The following OTUD7A variants were observed in gnomAD, a reference collection of about 807,000 sequenced individuals.
OTUD7A encodes the protein OTU domain-containing protein 7A.
A neutral mutation model predicts 65.7 loss-of-function variants in OTUD7A; 12 were observed. That is an observed-to-expected ratio of 0.18 (90% CI 0.12 to 0.30). The LOEUF (loss-of-function observed/expected upper bound fraction) is 0.30. OTUD7A is among the 10% of genes least tolerant of loss of function. The probability of loss-of-function intolerance (pLI) is 1.00; values close to 1 mark genes in which losing one functional copy is unlikely to be tolerated. For synonymous variants in OTUD7A, 641 were observed against 586.3 expected (o/e 1.09, Z -1.35); for missense variants, 1,148 against 1,304.8 (o/e 0.88, Z 1.85).
At chr15:31,657,425 C>G (rs1473477515) in intron 1 of OTUD7A, among the ~76,000 whole-genome samples, 3 of 151,678 alleles carry the variant, frequency 2.0e-5, no homozygotes, top group African/African-American at 7.3e-5. Context: ...GGCGCGATCT[C>G]GGCTCACTGG....
chr15:31,808,136 C>CACACACACACACACA (rs772574742), intron 1 of OTUD7A, among the ~76,000 whole-genome samples: 1 of 119,418 alleles, frequency 8.4e-6, no homozygotes, highest in Non-Finnish European at 1.9e-5. Flanking sequence ...CACACACACA[C>CACACACACACACACA]AAACAAATCC....
At chr15:31,822,081 T>C (rs118031782) in intron 1 of OTUD7A, among the ~76,000 whole-genome samples, 1 of 152,366 alleles carries the variant, frequency 6.6e-6, no homozygotes, top group East Asian at 1.9e-4. Context: ...TTAAAGGTAG[T>C]ATTTGCAGCA....
In OTUD7A at chr15:31,483,668, A is replaced by G. The variant is rs1485241895; in HGVS notation, c.2428T>C (p.Ser810Pro). The G allele has an allele frequency of 8.6e-6, 10 of 1,166,528 alleles. No homozygotes were observed. The highest frequency in any genetic ancestry group is 1.1e-5 in the Non-Finnish European group (10 of 948,426). 72.3% of individuals were successfully genotyped at this position (1,166,528 alleles called of 1,614,324 possible). ...GGGCTGTAGCTCTGCGACGACAGCG[A>G]GCGGTTCTGCTGCGGGTACGTGGCG... ...PCATYPQQNR[S>P]LSSQSYSPAR... is the part of the protein sequence containing the mutation. The change falls in exon 13 of 13, where the codon TCG (serine) becomes CCG (proline). Residue 810 changes from serine (S) to proline (P), a missense_variant. Ser to Pro is a moderately conservative substitution (Grantham distance 74). Around this residue, in one of 6 missense-constraint regions of OTUD7A, gnomAD observed 842 missense variants for 769.5 expected, o/e 1.09. Transcript: ENST00000307050.
intron 3 of OTUD7A, among the ~76,000 whole-genome samples, chr15:31,607,257 T>C (rs1331894655): frequency 2.0e-5 from 3 of 152,172 alleles, no homozygotes; most frequent in African/African-American, 7.2e-5. Flanking sequence ...TCTGGGCAGA[T>C]AGAAACTAGT....
At chr15:31,844,093 G>T (rs996386988) in intron 1 of OTUD7A, among the ~76,000 whole-genome samples, 1 of 152,210 alleles carries the variant, frequency 6.6e-6, no homozygotes, top group Non-Finnish European at 1.5e-5. Flanking sequence ...GGGAAAGAGT[G>T]AACTTTAATC....
At chr15:31,667,461 G>C (rs188064836) in intron 1 of OTUD7A, among the ~76,000 whole-genome samples, 2 of 152,064 alleles carry the variant, frequency 1.3e-5, no homozygotes, top group Admixed American at 1.3e-4. Context: ...GCTTGCTTTT[G>C]GTGTCCATTT....
At chr15:31,543,118 T>C (rs1372095819) in intron 5 of OTUD7A, among the ~76,000 whole-genome samples, 5 of 151,844 alleles carry the variant, frequency 3.3e-5, no homozygotes, top group Admixed American at 3.3e-4. Context: ...ATTAAAAGTA[T>C]ACAACTAAAA....
intron 6 of OTUD7A, among the ~76,000 whole-genome samples, chr15:31,528,771 C>T (rs889092235): frequency 6.6e-5 from 10 of 152,268 alleles, no homozygotes; most frequent in Non-Finnish European, 8.8e-5. Flanking sequence ...CCTAGCTCAA[C>T]GTCAGGCCAG....
At chr15:31,631,708 C>A (rs1891162595) in intron 3 of OTUD7A, among the ~76,000 whole-genome samples, 1 of 152,020 alleles carries the variant, frequency 6.6e-6, no homozygotes, top group African/African-American at 2.4e-5. Context: ...CCATTCTCCC[C>A]ATCACTTTCA....
chr15:31,708,010 T>C (rs984909399), intron 1 of OTUD7A, among the ~76,000 whole-genome samples: 5 of 151,842 alleles, frequency 3.3e-5, no homozygotes, highest in Non-Finnish European at 7.4e-5. Context: ...GTTCCTAATA[T>C]ATAAAGAGCC....
intron 1 of OTUD7A, among the ~76,000 whole-genome samples, chr15:31,814,667 G>T (rs926294374): frequency 1.3e-5 from 2 of 151,990 alleles, no homozygotes; most frequent in African/African-American, 4.8e-5. Flanking sequence ...GGGACTACAG[G>T]CATGCACCAC....
intron 3 of OTUD7A, among the ~76,000 whole-genome samples, chr15:31,587,026 C>G (rs1345981453): frequency 6.6e-6 from 1 of 152,148 alleles, no homozygotes; most frequent in Non-Finnish European, 1.5e-5. Context: ...TCTTGACTCA[C>G]ACATCCAGCT....
chr15:31,487,260 T>A lies in OTUD7A; in HGVS notation c.1305A>T (p.Glu435Asp). ...AGCTGTGCAGAAGGTTCAGCTTGGC[T>A]TCTAGCGACAGGATAAGGCTGGCAA... The part of the protein sequence containing the change: ...ARLAHLILSL[E>D]AKLNLLHSYM... Residue 435 changes from glutamate to aspartate, a missense_variant, in exon 12 of 13, where the codon GAA becomes GAT. Physicochemically the swap from Glu to Asp is conservative, Grantham distance 45. Transcript: ENST00000307050. This position sits in a 1 kb window ranked among gnomAD's most constrained non-coding sequence, Gnocchi z 6.0. 3 of 1,614,082 alleles carry A rather than the reference T, an allele frequency of 1.9e-6. No homozygotes were observed. Among genetic ancestry groups the A allele is most frequent in the Non-Finnish European group, 2.5e-6 (3 of 1,180,002 alleles).
intron 1 of OTUD7A, among the ~76,000 whole-genome samples, chr15:31,765,098 C>T (rs776347504): frequency 6.6e-6 from 1 of 152,042 alleles, no homozygotes; most frequent in Non-Finnish European, 1.5e-5. Context: ...CTTTTACATC[C>T]TCATCTTCTA....
intron 8 of OTUD7A, among the ~76,000 whole-genome samples, chr15:31,522,833 A>G (rs1293013911): frequency 6.6e-6 from 1 of 152,186 alleles, no homozygotes; most frequent in East Asian, 1.9e-4. Context: ...TGACCTCTTC[A>G]GATACGTGAC....
At chr15:31,857,617 G>C (rs1158730771) in intron 1 of OTUD7A, among the ~76,000 whole-genome samples, 2 of 152,164 alleles carry the variant, frequency 1.3e-5, no homozygotes, top group South Asian at 2.1e-4. Context: ...CGGGCCCCTC[G>C]ATGTTAGGAA....
At chr15:31,753,708 A>AT (rs1894718240) in intron 1 of OTUD7A, among the ~76,000 whole-genome samples, 3 of 110,484 alleles carry the variant, frequency 2.7e-5, no homozygotes, top group Admixed American at 8.6e-5. Flanking sequence ...TATATTATAT[A>AT]TATATATATA....
chr15:31,592,618 C>T (rs1889761007), intron 3 of OTUD7A, among the ~76,000 whole-genome samples: 1 of 151,798 alleles, frequency 6.6e-6, no homozygotes, highest in South Asian at 2.1e-4. Flanking sequence ...CGGTGGCTCA[C>T]GCCTGTAATC....
chr15:31,717,292 C>T (rs1486348150), intron 1 of OTUD7A, among the ~76,000 whole-genome samples: 1 of 152,022 alleles, frequency 6.6e-6, no homozygotes, highest in African/African-American at 2.4e-5. Context: ...GCAGAAGGTG[C>T]AGGTTTGTTA....
Sources: allele counts gnomAD v4.1 joint callset (sites outside exome capture counted in the v4.1 genomes callset), GRCh38; gene constraint gnomAD v4.1.1; regional missense constraint gnomAD v4.1.1; non-coding constraint Gnocchi (gnomAD v3.1); transcripts MANE v1.5; gene names NCBI Gene and HGNC (gene_info 2026-07-23, HGNC 2026-07-21).